The following DOCK8 variants were observed in gnomAD, a reference collection of about 807,000 sequenced individuals.
DOCK8 encodes the protein dedicator of cytokinesis 8.
DOCK8 carries 141 observed loss-of-function variants against 245.6 expected under a neutral mutation model. The ratio of observed to expected loss-of-function variants is 0.57; its 90% CI spans 0.50 to 0.66. The LOEUF is 0.66. DOCK8 is among the 30% of genes least tolerant of loss of function. The pLI is 0.00. For missense variants in DOCK8, 2,965 were observed against 2,603.4 expected, an observed-to-expected ratio of 1.14 and a Z score of -3.02; for synonymous variants, 1,168 against 970.2, an observed-to-expected ratio of 1.20 and a Z score of -3.79.
intron 14 of DOCK8, among the ~76,000 whole-genome samples, chr9:358,559 T>A (rs749074807): frequency 6.6e-6 from 1 of 152,196 alleles, no homozygotes; most frequent in Non-Finnish European, 1.5e-5. Context: ...CTTTAAAAAT[T>A]ACCTGCAGGC....
chr9:286,454 C>T lies in DOCK8; in HGVS notation c.157-7C>T. On this transcript the variant is annotated splice_polypyrimidine_tract_variant and splice_region_variant and intron_variant, in intron 2 of 47. Transcript: ENST00000432829. ...GAACCTCCTTTTCCTTTTCCCTGCCCCTCCAGCCTCAGTTTTATGACCCTG... is the reference window on the plus strand; with the variant it reads ...GAACCTCCTTTTCCTTTTCCCTGCCTCTCCAGCCTCAGTTTTATGACCCTG... The T allele has an allele frequency of 6.2e-7, 1 of 1,613,546 alleles. No homozygotes were observed.
At chr9:437,222 C>G (rs910268904) in intron 39 of DOCK8, among the ~76,000 whole-genome samples, 2 of 152,168 alleles carry the variant, frequency 1.3e-5, no homozygotes, top group African/African-American at 4.8e-5. Context: ...CATACTGGAC[C>G]TAGGGGCCCA....
chr9:251,810 T>C (rs1005915987), intron 1 of DOCK8, among the ~76,000 whole-genome samples: 2 of 152,152 alleles, frequency 1.3e-5, no homozygotes. Flanking sequence ...ATTGCAGTAA[T>C]AGTAGTTCTA....
intron 24 of DOCK8, among the ~76,000 whole-genome samples, chr9:394,980 C>T (rs1302156833): frequency 1.3e-5 from 2 of 152,176 alleles, no homozygotes; most frequent in African/African-American, 4.8e-5. Context: ...GCAGTGAGTT[C>T]TGAAAGCCTT....
intron 33 of DOCK8, among the ~76,000 whole-genome samples, chr9:424,459 G>C (rs1187052944): frequency 6.6e-6 from 1 of 151,718 alleles, no homozygotes; most frequent in Non-Finnish European, 1.5e-5. Flanking sequence ...ACCCAGGCTG[G>C]AATACAGTGG....
At chr9:223,840 T>C (rs1372930067) in intron 1 of DOCK8, among the ~76,000 whole-genome samples, 1 of 152,138 alleles carries the variant, frequency 6.6e-6, no homozygotes, top group Admixed American at 6.6e-5. Flanking sequence ...TGCCCATTTC[T>C]GTTCTCCCTG....
At chr9:451,943 A>T in intron 45 of DOCK8, 68 bp from the exon 46 acceptor site, 2 of 304,888 alleles carry the variant, frequency 6.6e-6, no homozygotes, top group Non-Finnish European at 1.1e-5. Context: ...GTATATATAT[A>T]TGTGTGTGTG....
Position 276,260 on chromosome 9 carries a change from T to C in DOCK8, c.156+4531T>C, listed in dbSNP as rs2048343111. 2.0e-5 allele frequency among the ~76,000 whole-genome samples: 3 copies of C among 152,234 alleles called. No individual in the cohort carries two copies. In the South Asian group the frequency reaches 6.2e-4, roughly 32 times the overall value. On this transcript the variant is annotated intron_variant, in intron 2 of 47. Coordinates refer to ENST00000432829, the MANE Select transcript of DOCK8 (RefSeq NM_203447.4). Reference sequence around the variant, plus strand: ...ATATATAAAGAAAGGTAACACTTATTTTGCCCTGTGTGCTTTGAATTTCAG... The same window carrying C: ...ATATATAAAGAAAGGTAACACTTATCTTGCCCTGTGTGCTTTGAATTTCAG...
chr9:243,960 A>G (rs902293059), intron 1 of DOCK8, among the ~76,000 whole-genome samples: 23 of 152,048 alleles, frequency 1.5e-4, no homozygotes, highest in Middle Eastern at 6.8e-3. Context: ...CGAGGCGGGC[A>G]GATCACGAGG....
intron 38 of DOCK8, 96 bp downstream of exon 38, chr9:434,071 A>G: frequency 1.1e-6 from 1 of 891,052 alleles, no homozygotes; most frequent in Non-Finnish European, 1.9e-6. Flanking sequence ...GCTAACATGG[A>G]TATAGTGATT....
intron 2 of DOCK8, among the ~76,000 whole-genome samples, chr9:280,500 A>G (rs2048532646): frequency 6.6e-6 from 1 of 152,214 alleles, no homozygotes; most frequent in Non-Finnish European, 1.5e-5. Flanking sequence ...TCCGCAGGGC[A>G]GATAGTCAGG....
chr9:307,806 A>T (rs1229412017), intron 5 of DOCK8, among the ~76,000 whole-genome samples: 1 of 152,164 alleles, frequency 6.6e-6, no homozygotes, highest in Non-Finnish European at 1.5e-5. Context: ...CAAGACGTGG[A>T]CTCAACCTAA....
chr9:224,841 AG>A (rs2046957615), intron 1 of DOCK8, among the ~76,000 whole-genome samples: 1 of 152,190 alleles, frequency 6.6e-6, no homozygotes, highest in African/African-American at 2.4e-5. Flanking sequence ...TCAGGCTCAA[AG>A]TCCACTGACA....
At chr9:273,951 C>T (rs568439026) in intron 2 of DOCK8, among the ~76,000 whole-genome samples, 30 of 152,258 alleles carry the variant, frequency 2.0e-4, no homozygotes, top group Middle Eastern at 6.8e-3. Flanking sequence ...GGTGATCCGC[C>T]CGCCTAGGCC....
At position 441,075 on chromosome 9, in the gene DOCK8, G is replaced by T. The variant is rs558311649; in HGVS notation, c.5224-211G>T. Among the ~76,000 whole-genome samples, 1 of 151,760 alleles carries T rather than the reference G, an allele frequency of 6.6e-6. No homozygotes were observed. The highest frequency in any genetic ancestry group is 1.5e-5 in the Non-Finnish European group (1 of 67,974). ...CCGAAAGCTCTTCTCCTTACTTATC[G>T]CCATACAGGACTACTTAGCGAGGTG... On this transcript the variant is annotated intron_variant, in intron 40 of 47. Transcript: ENST00000432829.
In DOCK8 at chr9:336,687, C is replaced by T. The variant is rs531279290; in HGVS notation, c.1391C>T (p.Ser464Phe). 2 of 1,614,040 alleles carry T rather than the reference C, an allele frequency of 1.2e-6. No individual in the cohort carries two copies. Among genetic ancestry groups the T allele is most frequent in the Non-Finnish European group, 1.7e-6 (2 of 1,179,974 alleles). ...ENGVGSNFKT[S>F]TLSVSSFFKQ... Reference sequence around the variant, plus strand: ...GGGGTTGGATCCAACTTCAAAACCTCCACTCTGAGCGTTAGCAGCTTTTTC... The same window carrying T: ...GGGGTTGGATCCAACTTCAAAACCTTCACTCTGAGCGTTAGCAGCTTTTTC... Residue 464 changes from serine to phenylalanine, a missense_variant, in exon 12 of 48, where the codon TCC becomes TTC. Ser to Phe is a radical substitution (Grantham distance 155). Around this residue, in one of 3 missense-constraint regions of DOCK8, gnomAD observed 2,825 missense variants for 2,453.5 expected, o/e 1.15. Coordinates refer to ENST00000432829, the MANE Select transcript of DOCK8 (RefSeq NM_203447.4).
chr9:340,619 T>TAA, intron 14 of DOCK8: 1 of 181,994 alleles, frequency 5.5e-6, no homozygotes. Flanking sequence ...AGACTCTGTC[T>TAA]CAAAAAAAAA....
chr9:255,174 A>C lies in DOCK8; in HGVS notation c.54-16453A>C, dbSNP rs191471221. On this transcript the variant is annotated intron_variant, in intron 1 of 47. Coordinates refer to ENST00000432829, the MANE Select transcript of DOCK8 (RefSeq NM_203447.4). ...AATATATAAAAGGAAAGGTTTTCAT[A>C]TATGTGCCCAATTATAAGTATCTTG... 1.6e-3 allele frequency among the ~76,000 whole-genome samples: 238 copies of C among 152,328 alleles called. 2 individuals are homozygous for C. The highest frequency in any genetic ancestry group is 5.6e-3 in the African/African-American group (234 of 41,588).
chr9:452,418 G>T (rs1564086435), intron 46 of DOCK8: 1 of 192,180 alleles, frequency 5.2e-6, no homozygotes, highest in East Asian at 1.3e-4. Context: ...AGCATCCCGT[G>T]TGCCTCACAA....
Sources: gnomAD v4.1 joint callset for allele counts (sites outside exome capture counted in the v4.1 genomes callset) on GRCh38, gnomAD v4.1.1 for gene constraint, gnomAD v4.1.1 regional missense constraint, MANE v1.5 for transcripts, NCBI Gene and HGNC (gene_info 2026-07-23, HGNC 2026-07-21) for gene names.